Variants in KCNQ1 observed in about 807,000 individuals in gnomAD.
KCNQ1 encodes potassium voltage-gated channel subfamily Q member 1.
In KCNQ1, 49 loss-of-function variants were observed where a neutral mutation model predicts 72.4. The ratio of observed to expected loss-of-function variants is 0.68; its 90% CI spans 0.54 to 0.86. The LOEUF (loss-of-function observed/expected upper bound fraction) is 0.86, where lower values mean the gene tolerates loss of function less well. Among genes scored for constraint, KCNQ1 ranks in the 40% least tolerant of loss-of-function variants. The pLI is 0.00. For missense variants in KCNQ1, 790 were observed against 945.1 expected, an observed-to-expected ratio of 0.84 and a Z score of 2.15; for synonymous variants, 450 against 412.6, an observed-to-expected ratio of 1.09 and a Z score of -1.10.
chr11:2,572,113 G>T lies in KCNQ1; in HGVS notation c.780+4G>T. On this transcript the variant is annotated splice_donor_region_variant and intron_variant, in intron 5 of 15. Coordinates refer to ENST00000155840, the MANE Select transcript of KCNQ1 (RefSeq NM_000218.3). ...CGTGGTCTTCATCCACCGCCAGGTG[G>T]GTGGCCCGGGTTAGGGGTGCGGGGC... The T allele has an allele frequency of 6.2e-7, 1 of 1,609,656 alleles. No individual in the cohort carries two copies.
intron 10 of KCNQ1, chr11:2,639,365 G>C (rs746937565): frequency 6.6e-6 from 1 of 152,192 alleles, no homozygotes; most frequent in African/African-American, 2.4e-5. Flanking sequence ...GGTCTTTGAT[G>C]ATGGTGACGT....
Position 2,704,115 on chromosome 11 carries a change from A to G in KCNQ1, c.1514+42034A>G, listed in dbSNP as rs1054630870. On this transcript the variant is annotated intron_variant, in intron 11 of 15. Transcript: ENST00000155840. This position sits in a 1 kb window ranked among gnomAD's most constrained non-coding sequence, Gnocchi z 4.3. ...CCCTTCAGTGAGGCTTTTTGCATGC[A>G]TTGGTCCACACACCCACCACTGCAG... 3.3e-5 allele frequency among the ~76,000 whole-genome samples: 5 copies of G among 152,174 alleles called. No individual in the cohort carries two copies. Among genetic ancestry groups the G allele is most frequent in the African/African-American group, 1.2e-4 (5 of 41,448 alleles).
intron 10 of KCNQ1, among the ~76,000 whole-genome samples, chr11:2,596,328 T>C (rs981820963): frequency 2.6e-5 from 4 of 152,178 alleles, no homozygotes; most frequent in Non-Finnish European, 5.9e-5. Flanking sequence ...AGCGATTCTA[T>C]TCCTAGGTAT....
chr11:2,611,984 A>T lies in KCNQ1; in HGVS notation c.1393+23130A>T. On this transcript the variant is annotated intron_variant, in intron 10 of 15. Coordinates refer to ENST00000155840, the MANE Select transcript of KCNQ1 (RefSeq NM_000218.3). The surrounding 1 kb of genome is among the most constrained non-coding windows in gnomAD (Gnocchi z 5.3). ...TCTGCCCTATTCTCTCCTTCTCAGT[A>T]CTCTTATTAACACATATGTTGTTAC... The T allele has an allele frequency of 2.5e-6, 1 of 398,360 alleles. No homozygotes were observed. The highest frequency in any genetic ancestry group is 4.4e-6 in the Non-Finnish European group (1 of 225,998). The allele number at this position is 398,360 out of a possible 1,614,324, so 24.7% of individuals were successfully genotyped here. A position where few individuals can be genotyped will look rare whatever the true frequency, so the allele number is the denominator to read the frequency against.
At position 2,687,020 on chromosome 11, in the gene KCNQ1, G is replaced by A. The variant is rs1850501224; in HGVS notation, c.1514+24939G>A. ...TTGCTAAGATGGGAGCAAGAGCTTA[G>A]GGCTAAAACTCAGCAGTCCCAGCTC... On this transcript the variant is annotated intron_variant, in intron 11 of 15. Transcript: ENST00000155840. The surrounding 1 kb of genome is among the most constrained non-coding windows in gnomAD (Gnocchi z 5.0). The A allele has an allele frequency of 2.5e-6, 1 of 398,638 alleles. No individual in the cohort carries two copies. Among genetic ancestry groups the A allele is most frequent in the East Asian group, 3.6e-5 (1 of 28,076 alleles). The allele number at this position is 398,638 out of a possible 1,614,324, so 24.7% of individuals were successfully genotyped here.
rs1027504499 is a variant in KCNQ1, at chr11:2,559,313, C to T, written c.478-11315C>T. 3.9e-5 allele frequency among the ~76,000 whole-genome samples: 6 copies of T among 152,160 alleles called. No individual in the cohort carries two copies. Among genetic ancestry groups the T allele is most frequent in the Admixed American group, 6.5e-5 (1 of 15,284 alleles). On this transcript the variant is annotated intron_variant, in intron 2 of 15. Transcript: ENST00000155840. The surrounding 1 kb of genome is among the most constrained non-coding windows in gnomAD (Gnocchi z 4.9). The stretch of plus-strand genomic sequence containing the variant: ...TAGAGAAATGTGTGAACATGGCTCC[C>T]CTTAGGCCAGGGGTAGACGCAGGCA...
chr11:2,699,761 G>A (rs935930184), intron 11 of KCNQ1: 21 of 363,914 alleles, frequency 5.8e-5, no homozygotes, highest in Non-Finnish European at 8.0e-5. Flanking sequence ...GAAGAGCGCC[G>A]CGCTGAGGAG....
intron 1 of KCNQ1, among the ~76,000 whole-genome samples, chr11:2,460,894 T>A (rs947414747): frequency 2.5e-4 from 38 of 152,228 alleles, no homozygotes; most frequent in African/African-American, 8.7e-4. Context: ...TTGCTGCCTG[T>A]GCAGGTGGCC....
rs779095930 is a variant in KCNQ1, at chr11:2,587,599, C to A, written c.1158C>A (p.Asn386Lys). The A allele has an allele frequency of 2.5e-6, 4 of 1,613,762 alleles. No individual in the cohort carries two copies. The African/African-American group carries it at 4.0e-5, about 16-fold the overall frequency. ...CATGGAGGTGCTATGCTGCCGAGAA[C>A]CCCGACTCCTCCACCTGGAAGATCT... ...QTAWRCYAAENPDSSTWKIYI... is the reference protein window; with the variant it reads ...QTAWRCYAAEKPDSSTWKIYI... Residue 386 changes from asparagine to lysine, a missense_variant, in exon 9 of 16, where the codon AAC becomes AAA. Physicochemically the swap from Asn to Lys is moderately conservative, Grantham distance 94. Transcript: ENST00000155840.
intron 1 of KCNQ1, among the ~76,000 whole-genome samples, chr11:2,524,523 C>G (rs1228172611): frequency 3.9e-5 from 6 of 152,188 alleles, no homozygotes; most frequent in Non-Finnish European, 7.4e-5. Context: ...GGCCAGTGGT[C>G]AGTGAGCAGG....
At chr11:2,790,642 C>T (rs1847002987) in intron 15 of KCNQ1, among the ~76,000 whole-genome samples, 1 of 152,222 alleles carries the variant, frequency 6.6e-6, no homozygotes, top group South Asian at 2.1e-4. Flanking sequence ...CTGTGAGACT[C>T]GGCGAGTCAC....
chr11:2,615,178 T>C (rs907589805), intron 10 of KCNQ1: 19 of 398,120 alleles, frequency 4.8e-5, no homozygotes, highest in East Asian at 2.9e-4. Context: ...ATTTTAAAAA[T>C]TGACTTCCTT....
chr11:2,743,950 G>A (rs1846098092), intron 11 of KCNQ1, among the ~76,000 whole-genome samples: 1 of 152,202 alleles, frequency 6.6e-6, no homozygotes. Flanking sequence ...GTGCTGGCCT[G>A]CAGACCTGCT....
chr11:2,450,065 C>T lies in KCNQ1; in HGVS notation c.386+4581C>T, dbSNP rs1589886792. ...CCCCTGCTCGGCCCTAGGCAGGGCC[C>T]CCAGTTCCCTGCATTCCACCCGCCT... On this transcript the variant is annotated intron_variant, in intron 1 of 15. Transcript: ENST00000155840. The surrounding 1 kb of genome is among the most constrained non-coding windows in gnomAD (Gnocchi z 7.9). Among the ~76,000 whole-genome samples the T allele has an allele frequency of 6.6e-6, 1 of 152,312 alleles. No homozygotes were observed. Among genetic ancestry groups the T allele is most frequent in the East Asian group, 1.9e-4 (1 of 5,176 alleles).
At chr11:2,584,572 AGTGTTTGTGTGTGTTT>A (rs1848563033) in intron 7 of KCNQ1, among the ~76,000 whole-genome samples, 1 of 109,362 alleles carries the variant, frequency 9.1e-6, no homozygotes, top group South Asian at 2.8e-4. Flanking sequence ...TGTGTGTGTT[AGTGTTTGTGTGTGTTT>A]GTGGGTTAGT....
intron 15 of KCNQ1, among the ~76,000 whole-genome samples, chr11:2,814,735 T>C (rs1440952884): frequency 6.6e-6 from 1 of 152,090 alleles, no homozygotes; most frequent in Non-Finnish European, 1.5e-5. Context: ...CAAGGGTGTC[T>C]CCCTTAGAAA....
In KCNQ1 at chr11:2,759,074, G is replaced by A. The variant is rs1419162903; in HGVS notation, c.1515-9770G>A. 1.3e-5 allele frequency among the ~76,000 whole-genome samples: 2 copies of A among 151,108 alleles called. No homozygotes were observed. Among genetic ancestry groups the A allele is most frequent in the East Asian group, 1.9e-4 (1 of 5,164 alleles). Reference sequence around the variant, plus strand: ...CACCCATGCAAGGTGTGACCGTCGCGAACTCACGTAGAGGGCATACAGGAC... The same window carrying A: ...CACCCATGCAAGGTGTGACCGTCGCAAACTCACGTAGAGGGCATACAGGAC... On this transcript the variant is annotated intron_variant, in intron 11 of 15. Transcript: ENST00000155840. The surrounding 1 kb of genome is among the most constrained non-coding windows in gnomAD (Gnocchi z 4.4).
At chr11:2,648,981 C>CTTTTTTCTTTTTTTTTT (rs1849710956) in intron 10 of KCNQ1, 1 of 213,304 alleles carries the variant, frequency 4.7e-6, no homozygotes, top group South Asian at 2.8e-4. Context: ...TTTTCTTTTT[C>CTTTTTTCTTTTTTTTTT]TTTTTTTTTT....
Position 2,826,356 on chromosome 11 carries a change from CTCCTGGCAGTAACCAGGCCAGCTGG to C in KCNQ1, c.1795-21410_1795-21386del, listed in dbSNP as rs1391144413. ...CCAGTATTCCCCAGCTTCCCAGGGT[CTCCTGGCAGTAACCAGGCCAGCTGG>C]GGGTCAGAACCCGCGGCCAGGCCCA... On this transcript the variant is annotated intron_variant, in intron 15 of 15. Coordinates refer to ENST00000155840, the MANE Select transcript of KCNQ1 (RefSeq NM_000218.3). The surrounding 1 kb of genome is among the most constrained non-coding windows in gnomAD (Gnocchi z 4.2). Among the ~76,000 whole-genome samples the C allele has an allele frequency of 1.3e-5, 2 of 152,256 alleles. No individual in the cohort carries two copies. The highest frequency in any genetic ancestry group is 2.9e-5 in the Non-Finnish European group (2 of 68,040).
Sources: gnomAD v4.1 joint callset for allele counts (sites outside exome capture counted in the v4.1 genomes callset) on GRCh38, gnomAD v4.1.1 for gene constraint, Gnocchi (gnomAD v3.1) non-coding constraint, MANE v1.5 for transcripts, NCBI Gene and HGNC (gene_info 2026-07-23, HGNC 2026-07-21) for gene names.